The following SHANK2 variants were observed in gnomAD, a reference collection of about 807,000 sequenced individuals.
The protein encoded by SHANK2 is SH3 and multiple ankyrin repeat domains 2, also known as SH3 and multiple ankyrin repeat domains protein 2.
SHANK2 carries 43 observed loss-of-function variants against 133.7 expected under a neutral mutation model. The observed-to-expected ratio is 0.32, with a 90% CI of 0.25 to 0.41. The LOEUF (loss-of-function observed/expected upper bound fraction) is 0.41. Ranked by LOEUF, SHANK2 falls within the 10% of genes least tolerant of loss-of-function variation. The probability of loss-of-function intolerance (pLI) is 1.00; values close to 1 mark genes in which losing one functional copy is unlikely to be tolerated. For missense variants in SHANK2, 1,994 were observed against 2,235.8 expected, an observed-to-expected ratio of 0.89 and a Z score of 2.18; for synonymous variants, 1,017 against 952.8, an observed-to-expected ratio of 1.07 and a Z score of -1.24.
At chr11:70,694,801 C>T (rs545169088) in intron 15 of SHANK2, among the ~76,000 whole-genome samples, 1 of 152,220 alleles carries the variant, frequency 6.6e-6, no homozygotes, top group African/African-American at 2.4e-5. Flanking sequence ...CCACAAGCTC[C>T]CATGCTGCCT....
chr11:70,576,071 C>G (rs904959290), intron 17 of SHANK2, among the ~76,000 whole-genome samples: 2 of 152,080 alleles, frequency 1.3e-5, no homozygotes, highest in Non-Finnish European at 2.9e-5. Context: ...ACAAGGAGAG[C>G]ATTTCACGGG....
At chr11:70,661,478 G>A (rs2061487328) in intron 16 of SHANK2, 118 bp downstream of exon 16, 3 of 1,088,202 alleles carry the variant, frequency 2.8e-6, no homozygotes, top group Admixed American at 1.8e-5. Context: ...CTGAGCTGGG[G>A]AACGTTTTTC....
At chr11:70,662,063 C>T in intron 15 of SHANK2, 1 of 494,130 alleles carries the variant, frequency 2.0e-6, no homozygotes, top group Non-Finnish European at 3.7e-6. Flanking sequence ...GCGGCGGCCT[C>T]AGCAGCGGCG....
intron 21 of SHANK2, among the ~76,000 whole-genome samples, chr11:70,495,020 T>C (rs1279420251): frequency 3.3e-5 from 5 of 152,232 alleles, no homozygotes; most frequent in Non-Finnish European, 5.9e-5. Context: ...CTCAGGGAAC[T>C]GGTCAGGCAC....
chr11:70,817,614 G>A (rs1948425781), intron 12 of SHANK2, among the ~76,000 whole-genome samples: 1 of 152,214 alleles, frequency 6.6e-6, no homozygotes, highest in Non-Finnish European at 1.5e-5. Context: ...TGGGTCTTGG[G>A]TTGGACATGG....
intron 14 of SHANK2, among the ~76,000 whole-genome samples, chr11:70,769,138 T>C (rs1947189781): frequency 6.6e-6 from 1 of 151,438 alleles, no homozygotes; most frequent in South Asian, 2.1e-4. Flanking sequence ...GTTGGCGGGG[T>C]GAATGAATGG....
intron 17 of SHANK2, among the ~76,000 whole-genome samples, chr11:70,506,884 G>A (rs1373998564): frequency 6.6e-6 from 1 of 152,188 alleles, no homozygotes; most frequent in East Asian, 1.9e-4. Flanking sequence ...TTGGGGGCAG[G>A]GAGGTGGTGC....
At position 71,175,416 on chromosome 11, in the gene SHANK2, A is replaced by C. The variant is rs1953410657; in HGVS notation, c.-12-28078T>G. 6.6e-6 allele frequency among the ~76,000 whole-genome samples: 1 copy of C among 152,082 alleles called. No homozygotes were observed. Among genetic ancestry groups the C allele is most frequent in the Non-Finnish European group, 1.5e-5 (1 of 68,024 alleles). Reference sequence around the variant, plus strand: ...ACCGAAGCAGGAAAGTGAGTCTGTAAAGAGAGCAGGAGGAAGGAAAGAAAA... The same window carrying C: ...ACCGAAGCAGGAAAGTGAGTCTGTACAGAGAGCAGGAGGAAGGAAAGAAAA... On this transcript the variant is annotated intron_variant, in intron 2 of 25. Transcript: ENST00000601538. The surrounding 1 kb of genome is among the most constrained non-coding windows in gnomAD (Gnocchi z 4.2).
chr11:70,927,127 T>TA (rs1950440110), intron 10 of SHANK2, among the ~76,000 whole-genome samples: 2 of 152,080 alleles, frequency 1.3e-5, no homozygotes, highest in South Asian at 2.1e-4. Flanking sequence ...TTCTTTGTTT[T>TA]AAAAAAATAA....
intron 23 of SHANK2, chr11:70,490,063 G>T (rs113280918): frequency 7.4e-5 from 37 of 499,602 alleles, no homozygotes; most frequent in African/African-American, 6.6e-4. Context: ...GTGTCCTTCA[G>T]GGGGGATGAG....
In SHANK2 at chr11:70,485,406, A is replaced by G; in HGVS notation, c.4887T>C (p.Ser1629=). 1.2e-6 allele frequency: 2 copies of G among 1,614,088 alleles called. No individual in the cohort carries two copies. Among genetic ancestry groups the G allele is most frequent in the South Asian group, 1.1e-5 (1 of 91,084 alleles). The part of the protein sequence containing the change: ...PKANVISELN[S]ILQQMNREKL... ...TCTCTCGGTTCATTTGCTGTAGGAT[A>G]GAGTTCAATTCACTAATAACGTTTG... The change falls in exon 25 of 26, where the codon TCT becomes TCC. Residue 1629 remains serine (S), a synonymous_variant. Coordinates refer to ENST00000601538, the MANE Select transcript of SHANK2 (RefSeq NM_012309.5). The surrounding 1 kb of genome is among the most constrained non-coding windows in gnomAD (Gnocchi z 5.8).
chr11:70,797,584 C>T (rs544031157), intron 14 of SHANK2, among the ~76,000 whole-genome samples: 10 of 152,242 alleles, frequency 6.6e-5, no homozygotes, highest in Non-Finnish European at 1.0e-4. Flanking sequence ...TCTGATCAGG[C>T]GGCAGAGGGC....
At chr11:70,775,854 T>C (rs782506423) in intron 14 of SHANK2, among the ~76,000 whole-genome samples, 2 of 152,246 alleles carry the variant, frequency 1.3e-5, no homozygotes, top group Non-Finnish European at 2.9e-5. Context: ...CCAATGTTTA[T>C]TCATAATCCC....
At chr11:70,773,364 G>A (rs550699223) in intron 14 of SHANK2, among the ~76,000 whole-genome samples, 3 of 152,318 alleles carry the variant, frequency 2.0e-5, no homozygotes, top group African/African-American at 7.2e-5. Flanking sequence ...AGAAGTGGGG[G>A]GAACAGGCGA....
intron 17 of SHANK2, among the ~76,000 whole-genome samples, chr11:70,528,329 C>T (rs2059424760): frequency 6.6e-6 from 1 of 152,162 alleles, no homozygotes; most frequent in Non-Finnish European, 1.5e-5. Flanking sequence ...AGCAGGGATG[C>T]AGCCTCCTGG....
At chr11:71,111,884 G>A (rs782357942) in intron 5 of SHANK2, among the ~76,000 whole-genome samples, 5 of 152,108 alleles carry the variant, frequency 3.3e-5, no homozygotes, top group Non-Finnish European at 4.4e-5. Flanking sequence ...AGATCTTGCC[G>A]TCTGAATACC....
At chr11:70,567,417 A>G (rs1403639404) in intron 17 of SHANK2, among the ~76,000 whole-genome samples, 1 of 152,152 alleles carries the variant, frequency 6.6e-6, no homozygotes, top group Non-Finnish European at 1.5e-5. Context: ...TCACGAGGTC[A>G]GGAGTTTGAG....
At position 70,807,185 on chromosome 11, in the gene SHANK2, GA is replaced by G. The variant is rs782491027; in HGVS notation, c.1494-15del. 1.1e-5 allele frequency: 8 copies of G among 714,480 alleles called. No homozygotes were observed. In the South Asian group the frequency reaches 1.2e-4, roughly 11 times the overall value. 44.3% of individuals were successfully genotyped at this position (714,480 alleles called of 1,614,324 possible). ...GCAAAAGGCGACCTGGACCAGGTGA[GA>G]GGGGCAGAGAGAGAGAGAGCAGAGT... is the stretch of plus-strand genomic sequence containing the variant. On this transcript the variant is annotated splice_polypyrimidine_tract_variant and intron_variant, in intron 12 of 25. Transcript: ENST00000601538. The surrounding 1 kb of genome is among the most constrained non-coding windows in gnomAD (Gnocchi z 4.8).
At chr11:70,921,854 T>A (rs1436409710) in intron 10 of SHANK2, among the ~76,000 whole-genome samples, 1 of 152,222 alleles carries the variant, frequency 6.6e-6, no homozygotes, top group Non-Finnish European at 1.5e-5. Flanking sequence ...CCATAATTTT[T>A]AAATATATAT....
Sources: allele counts gnomAD v4.1 joint callset (sites outside exome capture counted in the v4.1 genomes callset), GRCh38; gene constraint gnomAD v4.1.1; non-coding constraint Gnocchi (gnomAD v3.1); transcripts MANE v1.5; gene names NCBI Gene and HGNC (gene_info 2026-07-23, HGNC 2026-07-21).